MAGI2: variants seen among roughly 807,000 people sequenced by gnomAD.
The protein encoded by MAGI2 is membrane associated guanylate kinase, WW and PDZ domain containing 2.
A neutral mutation model predicts 133.3 loss-of-function variants in MAGI2; 35 were observed. The ratio of observed to expected loss-of-function variants is 0.26; its 90% CI spans 0.20 to 0.35. The LOEUF (loss-of-function observed/expected upper bound fraction) is 0.35, where lower values mean the gene tolerates loss of function less well. MAGI2 is among the 10% of genes least tolerant of loss of function. The pLI, the probability that MAGI2 is intolerant of heterozygous loss-of-function variation, is 1.00. For synonymous variants in MAGI2, 729 were observed against 710.6 expected, an observed-to-expected ratio of 1.03 and a Z score of -0.41; for missense variants, 1,636 against 1,863.4, an observed-to-expected ratio of 0.88 and a Z score of 2.25.
At chr7:78,601,451 C>A (rs767848492) in intron 3 of MAGI2, among the ~76,000 whole-genome samples, 8 of 152,142 alleles carry the variant, frequency 5.3e-5, no homozygotes, top group Non-Finnish European at 1.2e-4. Context: ...CTGAACTTCG[C>A]ATTCTGAGAA....
rs140990498 is a variant in MAGI2, at chr7:78,400,160, T to C, written c.1046-30947A>G. 3.8e-3 allele frequency among the ~76,000 whole-genome samples: 579 copies of C among 152,328 alleles called. 7 individuals carry two copies. Among genetic ancestry groups the C allele is most frequent in the African/African-American group, 0.013 (548 of 41,574 alleles). ...AATGTATGGACCAATACCATCGAGC[T>C]TGTTTGGAAACAGTAGGTTCTCTAA... On this transcript the variant is annotated intron_variant, in intron 6 of 21. Transcript: ENST00000354212.
chr7:78,556,598 G>A (rs1192900635), intron 3 of MAGI2, among the ~76,000 whole-genome samples: 1 of 152,144 alleles, frequency 6.6e-6, no homozygotes, highest in African/African-American at 2.4e-5. Context: ...CTATCTATAG[G>A]TGAGAAGAGC....
chr7:78,362,981 C>T (rs1011783409), intron 7 of MAGI2, among the ~76,000 whole-genome samples: 7 of 151,910 alleles, frequency 4.6e-5, no homozygotes, highest in Non-Finnish European at 7.4e-5. Flanking sequence ...GACTGTCATC[C>T]GGGATGATGG....
chr7:79,429,590 C>A (rs1000776087), intron 1 of MAGI2, among the ~76,000 whole-genome samples: 2 of 152,166 alleles, frequency 1.3e-5, no homozygotes, highest in African/African-American at 4.8e-5. Context: ...TAGGCATGAG[C>A]TACCGCATCC....
At chr7:78,972,547 C>G (rs1202260538) in intron 2 of MAGI2, among the ~76,000 whole-genome samples, 1 of 151,724 alleles carries the variant, frequency 6.6e-6, no homozygotes, top group African/African-American at 2.4e-5. Context: ...CAAGAATGCT[C>G]TGATTTTCTG....
chr7:79,105,748 G>A (rs1479289410), intron 1 of MAGI2, among the ~76,000 whole-genome samples: 1 of 151,606 alleles, frequency 6.6e-6, no homozygotes, highest in African/African-American at 2.4e-5. Flanking sequence ...TCTAGGACTG[G>A]TTTTCTCCAT....
At position 78,150,954 on chromosome 7, in the gene MAGI2, T is replaced by C. The variant is rs74507307; in HGVS notation, c.2845+9071A>G. Among the ~76,000 whole-genome samples the C allele has an allele frequency of 3.1e-3, 472 of 152,146 alleles. 10 individuals are homozygous for C. In the South Asian group the frequency reaches 0.049, roughly 16 times the overall value. ...TACAATATAAAGATCCTTAAATTTG[T>C]TAGTGCTAGCAGAGTAAAATGTTTG... On this transcript the variant is annotated intron_variant, in intron 16 of 21. Coordinates refer to ENST00000354212, the MANE Select transcript of MAGI2 (RefSeq NM_012301.4).
chr7:78,227,169 A>G (rs1789472448), intron 10 of MAGI2, among the ~76,000 whole-genome samples: 1 of 152,196 alleles, frequency 6.6e-6, no homozygotes, highest in Admixed American at 6.5e-5. Context: ...TATTCATTTA[A>G]AAATAGTTTC....
chr7:78,566,161 T>C (rs139438085), intron 3 of MAGI2, among the ~76,000 whole-genome samples: 1 of 152,186 alleles, frequency 6.6e-6, no homozygotes, highest in East Asian at 1.9e-4. Flanking sequence ...ATCTTATGCC[T>C]CACAGAACCA....
chr7:79,188,933 A>G (rs780640519), intron 1 of MAGI2, among the ~76,000 whole-genome samples: 2 of 152,016 alleles, frequency 1.3e-5, no homozygotes, highest in South Asian at 2.1e-4. Flanking sequence ...CCTAAATACA[A>G]TATAACCAAT....
Position 78,132,888 on chromosome 7 carries a change from C to T in MAGI2, c.3203+1G>A, listed in dbSNP as rs1192083497. The T allele has an allele frequency of 6.2e-7, 1 of 1,614,060 alleles. No homozygotes were observed. The highest frequency in any genetic ancestry group is 8.5e-7 in the Non-Finnish European group (1 of 1,179,984). The stretch of plus-strand genomic sequence containing the variant: ...ATCACAAAAGTCAGAGGAAATTTTA[C>T]CTATTTTCGTGTCCTTGCAGCTGAA... On this transcript the variant is annotated splice_donor_variant, in intron 18 of 21. Coordinates refer to ENST00000354212, the MANE Select transcript of MAGI2 (RefSeq NM_012301.4). LOFTEE classifies it high-confidence loss of function.
intron 2 of MAGI2, among the ~76,000 whole-genome samples, chr7:78,805,151 A>G (rs1788463835): frequency 6.6e-6 from 1 of 152,090 alleles, no homozygotes; most frequent in Non-Finnish European, 1.5e-5. Flanking sequence ...ACGACTCTAA[A>G]TATCTAGGCA....
chr7:79,424,887 C>T (rs1278381920), intron 1 of MAGI2, among the ~76,000 whole-genome samples: 1 of 152,042 alleles, frequency 6.6e-6, no homozygotes, highest in Non-Finnish European at 1.5e-5. Context: ...TATTTCCATT[C>T]ACATTCATGC....
intron 9 of MAGI2, among the ~76,000 whole-genome samples, chr7:78,277,836 G>C (rs73150272): frequency 6.6e-6 from 1 of 151,960 alleles, no homozygotes; most frequent in African/African-American, 2.4e-5. Flanking sequence ...AGATGTGGTG[G>C]CTGTCTATCT....
intron 1 of MAGI2, among the ~76,000 whole-genome samples, chr7:79,158,475 AT>A (rs1824036611): frequency 6.6e-6 from 1 of 152,058 alleles, no homozygotes; most frequent in Non-Finnish European, 1.5e-5. Context: ...TGTCCTAAGA[AT>A]TGTTTGCATT....
chr7:78,421,630 T>C (rs1475597801), intron 6 of MAGI2, among the ~76,000 whole-genome samples: 1 of 152,060 alleles, frequency 6.6e-6, no homozygotes, highest in Non-Finnish European at 1.5e-5. Flanking sequence ...CTGGGAAACA[T>C]GGTGAGACCC....
intron 10 of MAGI2, among the ~76,000 whole-genome samples, chr7:78,222,303 G>C (rs1788913453): frequency 6.6e-6 from 1 of 152,112 alleles, no homozygotes; most frequent in Non-Finnish European, 1.5e-5. Context: ...CAATCTATCA[G>C]TAAGTTCTCT....
chr7:79,087,430 T>C (rs1487450354), intron 1 of MAGI2, among the ~76,000 whole-genome samples: 3 of 151,986 alleles, frequency 2.0e-5, no homozygotes, highest in African/African-American at 7.2e-5. Flanking sequence ...TTCAGTGTTA[T>C]ACATTGAAGG....
At chr7:79,094,482 C>T (rs535730285) in intron 1 of MAGI2, among the ~76,000 whole-genome samples, 1 of 152,306 alleles carries the variant, frequency 6.6e-6, no homozygotes, top group East Asian at 1.9e-4. Flanking sequence ...TTTGGAGCTC[C>T]TCCCATGAAT....
Sources: gnomAD v4.1 joint callset for allele counts (sites outside exome capture counted in the v4.1 genomes callset) on GRCh38, gnomAD v4.1.1 for gene constraint, MANE v1.5 for transcripts, NCBI Gene and HGNC (gene_info 2026-07-23, HGNC 2026-07-21) for gene names.